The following GRIN3A variants were observed in gnomAD, a reference collection of about 807,000 sequenced individuals.
GRIN3A encodes glutamate ionotropic receptor NMDA type subunit 3A.
Under a neutral mutation model 92.4 loss-of-function variants are expected in GRIN3A, and 47 were observed. The ratio of observed to expected loss-of-function variants is 0.51; its 90% CI spans 0.40 to 0.65. GRIN3A has a LOEUF of 0.65. Among genes scored for constraint, GRIN3A ranks in the 30% least tolerant of loss-of-function variants. GRIN3A has a pLI of 0.00. For missense variants in GRIN3A, 1,324 were observed against 1,393.1 expected (o/e 0.95, Z 0.79); for synonymous variants, 527 against 540.6 (o/e 0.97, Z 0.35).
chr9:101,660,856 G>C (rs1431215609), intron 3 of GRIN3A, among the ~76,000 whole-genome samples: 1 of 151,644 alleles, frequency 6.6e-6, no homozygotes, highest in Non-Finnish European at 1.5e-5. Context: ...AACTAATCAC[G>C]TCAGAGCACT....
intron 3 of GRIN3A, among the ~76,000 whole-genome samples, chr9:101,652,405 A>T (rs1167989359): frequency 6.6e-6 from 1 of 151,962 alleles, no homozygotes; most frequent in African/African-American, 2.4e-5. Flanking sequence ...TATGAAAGTT[A>T]GAAGAAACAG....
chr9:101,664,695 C>T (rs1829216377), intron 3 of GRIN3A, among the ~76,000 whole-genome samples: 1 of 152,082 alleles, frequency 6.6e-6, no homozygotes, highest in East Asian at 1.9e-4. Context: ...TGCGCAGGCT[C>T]TTGCTTTTAA....
intron 8 of GRIN3A, 129 bp downstream of exon 8, chr9:101,577,639 G>A: frequency 1.3e-6 from 1 of 750,314 alleles, no homozygotes; most frequent in South Asian, 1.5e-5. Flanking sequence ...TTTATTTTAT[G>A]TTTTATTTCC....
At chr9:101,639,969 G>T (rs1232870088) in intron 3 of GRIN3A, among the ~76,000 whole-genome samples, 1 of 152,124 alleles carries the variant, frequency 6.6e-6, no homozygotes, top group Non-Finnish European at 1.5e-5. Context: ...AATTTTGTTT[G>T]TCATGGCTAA....
intron 7 of GRIN3A, among the ~76,000 whole-genome samples, chr9:101,578,922 T>C (rs1827858014): frequency 6.6e-6 from 1 of 152,208 alleles, no homozygotes; most frequent in African/African-American, 2.4e-5. Flanking sequence ...ACTGTCACTA[T>C]TAAGTGAAAC....
intron 6 of GRIN3A, among the ~76,000 whole-genome samples, chr9:101,602,795 T>A (rs1269356006): frequency 6.6e-6 from 1 of 152,144 alleles, no homozygotes; most frequent in Non-Finnish European, 1.5e-5. Flanking sequence ...CTAATTTGTG[T>A]TATTTATAGT....
At chr9:101,648,898 G>T (rs541683614) in intron 3 of GRIN3A, among the ~76,000 whole-genome samples, 3 of 152,032 alleles carry the variant, frequency 2.0e-5, no homozygotes, top group Non-Finnish European at 4.4e-5. Flanking sequence ...TTAAACACTG[G>T]ACTGTTTTTT....
intron 5 of GRIN3A, among the ~76,000 whole-genome samples, chr9:101,613,913 G>T (rs1473720865): frequency 6.6e-6 from 1 of 152,064 alleles, no homozygotes; most frequent in African/African-American, 2.4e-5. Flanking sequence ...ATTAATCTTA[G>T]TCTGTGGTTG....
chr9:101,619,913 C>T (rs1046547478), intron 5 of GRIN3A, among the ~76,000 whole-genome samples: 20 of 152,274 alleles, frequency 1.3e-4, no homozygotes, highest in African/African-American at 4.6e-4. Context: ...GTTTTTAATT[C>T]GACCAAAGAC....
chr9:101,651,966 A>G (rs1829020979), intron 3 of GRIN3A, among the ~76,000 whole-genome samples: 1 of 151,984 alleles, frequency 6.6e-6, no homozygotes, highest in South Asian at 2.1e-4. Context: ...TAAATTTGAT[A>G]AGATCTGTCT....
At chr9:101,700,752 A>G (rs1829742416) in intron 1 of GRIN3A, among the ~76,000 whole-genome samples, 1 of 152,190 alleles carries the variant, frequency 6.6e-6, no homozygotes, top group Non-Finnish European at 1.5e-5. Flanking sequence ...GCGAGGTACC[A>G]TTATAGAACT....
intron 3 of GRIN3A, among the ~76,000 whole-genome samples, chr9:101,633,781 G>A (rs1300087903): frequency 6.7e-6 from 1 of 148,562 alleles, no homozygotes; most frequent in East Asian, 1.9e-4. Flanking sequence ...CCACAAAATC[G>A]GTCCCTGGTG....
intron 3 of GRIN3A, among the ~76,000 whole-genome samples, chr9:101,666,671 C>G (rs1404223526): frequency 6.6e-6 from 1 of 152,054 alleles, no homozygotes; most frequent in Non-Finnish European, 1.5e-5. Flanking sequence ...ATGCATGAAA[C>G]TGAACTGACT....
chr9:101,571,590 G>A lies in GRIN3A; in HGVS notation c.*1584C>T, dbSNP rs896827600. The A allele has an allele frequency of 1.3e-5, 2 of 152,238 alleles. No homozygotes were observed. The highest frequency in any genetic ancestry group is 2.9e-5 in the Non-Finnish European group (2 of 68,072). The allele number at this position is 152,238 out of a possible 1,614,324, so 9.4% of individuals were successfully genotyped here. On this transcript the variant is annotated 3_prime_UTR_variant, in exon 9 of 9. Transcript: ENST00000361820. ...CTAAATGGTGCCCAGGGGTGGGGGT[G>A]AGGATGTTGAAGGAGAGTCAGCAGA...
chr9:101,708,134 G>A (rs1210012870), intron 1 of GRIN3A, among the ~76,000 whole-genome samples: 1 of 152,168 alleles, frequency 6.6e-6, no homozygotes, highest in African/African-American at 2.4e-5. Flanking sequence ...TGAGTTAGTT[G>A]CTGAGAATAA....
chr9:101,622,921 G>A (rs1828577235), intron 5 of GRIN3A, among the ~76,000 whole-genome samples: 1 of 151,640 alleles, frequency 6.6e-6, no homozygotes, highest in Non-Finnish European at 1.5e-5. Context: ...GAAGGCTGAG[G>A]CAGGAGGATC....
chr9:101,661,899 A>C (rs1829176493), intron 3 of GRIN3A, among the ~76,000 whole-genome samples: 1 of 151,886 alleles, frequency 6.6e-6, no homozygotes, highest in Non-Finnish European at 1.5e-5. Flanking sequence ...ATCTAATGTG[A>C]TGGGCAAAAA....
rs141945693 is a variant in GRIN3A, at chr9:101,601,946, T to A, written c.2766+11430A>T. Among the ~76,000 whole-genome samples the A allele has an allele frequency of 2.1e-3, 317 of 152,290 alleles. 1 individual carries two copies. The highest frequency in any genetic ancestry group is 0.02 in the Middle Eastern group (6 of 294). The stretch of plus-strand genomic sequence containing the variant: ...GGACCTCAGAACCTCAATATCTTTT[T>A]TGGGGGACACAATCCAACCCATAAC... On this transcript the variant is annotated intron_variant, in intron 6 of 8. Transcript: ENST00000361820.
chr9:101,639,467 T>C (rs1304159551), intron 3 of GRIN3A, among the ~76,000 whole-genome samples: 1 of 152,172 alleles, frequency 6.6e-6, no homozygotes, highest in East Asian at 1.9e-4. Context: ...ACTGTGGAAC[T>C]CAAACTTCTC....
Sources: gnomAD v4.1 joint callset for allele counts (sites outside exome capture counted in the v4.1 genomes callset) on GRCh38, gnomAD v4.1.1 for gene constraint, MANE v1.5 for transcripts, NCBI Gene and HGNC (gene_info 2026-07-23, HGNC 2026-07-21) for gene names.